The following RFC5 variants were observed in gnomAD, a reference collection of about 807,000 sequenced individuals.
RFC5 encodes the protein A1 36 kDa subunit.
A neutral mutation model predicts 44.3 loss-of-function variants in RFC5; 26 were observed. The observed-to-expected ratio is 0.59, with a 90% CI of 0.43 to 0.81. The LOEUF (loss-of-function observed/expected upper bound fraction) is 0.81. Ranked by LOEUF, RFC5 falls within the 40% of genes least tolerant of loss-of-function variation. The probability of loss-of-function intolerance (pLI) is 0.00; values close to 1 mark genes in which losing one functional copy is unlikely to be tolerated. For missense variants in RFC5, 328 were observed against 418.6 expected (o/e 0.78, Z 1.89); for synonymous variants, 155 against 155.2 (o/e 1.00, Z 0.01).
the RFC5 span, among the ~76,000 whole-genome samples, chr12:118,039,948 G>T: frequency 6.6e-6 from 1 of 151,944 alleles, no homozygotes; most frequent in Non-Finnish European, 1.5e-5. Flanking sequence ...GTTTCACCAT[G>T]TTGGCTAGGC....
At chr12:118,038,754 C>T in the RFC5 span, among the ~76,000 whole-genome samples, 1 of 152,116 alleles carries the variant, frequency 6.6e-6, no homozygotes, top group African/African-American at 2.4e-5. Flanking sequence ...GATCTCAGCT[C>T]ACTGCAACCT....
chr12:118,036,299 C>A (rs200118115), downstream of RFC5: 34 of 1,593,822 alleles, frequency 2.1e-5, no homozygotes, highest in Non-Finnish European at 2.7e-5. Context: ...CCTCATCAGT[C>A]CCCCCACAAA....
In RFC5 at chr12:118,025,806, G is replaced by A. The variant is rs2030893769; in HGVS notation, c.641G>A (p.Arg214His). Residue 214 changes from arginine to histidine, a missense_variant, in exon 7 of 11, where the codon CGT (arginine) becomes CAT (histidine). By Grantham distance (29) the Arg-to-His change is conservative. Coordinates refer to ENST00000454402, the MANE Select transcript of RFC5 (RefSeq NM_007370.7). The stretch of plus-strand genomic sequence containing the variant: ...GTCACTCTTTCCAGTGGAGACATGC[G>A]TAGGGCTCTGAACATTTTGCAGGTA... ...ALVTLSSGDM[R>H]RALNILQSTN... 2 of 1,594,490 alleles carry A rather than the reference G, an allele frequency of 1.3e-6. No individual in the cohort carries two copies. Among genetic ancestry groups the A allele is most frequent in the Non-Finnish European group, 8.6e-7 (1 of 1,164,436 alleles).
At chr12:118,028,146 ATCAGACCCT>A in intron 9 of RFC5, 116 bp downstream of exon 9, 1 of 706,730 alleles carries the variant, frequency 1.4e-6, no homozygotes, top group Non-Finnish European at 2.5e-6. Flanking sequence ...TGAATTGTAA[ATCAGACCCT>A]TCTTGTTAGC....
At chr12:118,020,762 T>G in intron 3 of RFC5, 144 bp from the exon 4 acceptor site, 3 of 524,752 alleles carry the variant, frequency 5.7e-6, no homozygotes, top group Non-Finnish European at 1.0e-5. Context: ...ACTGATTTTT[T>G]ATTTTATGAT....
rs2030558530 is a variant in RFC5 at position 118,022,292 on chromosome 12, C to A, written c.354C>A (p.Gly118=). 2 of 1,613,400 alleles carry A rather than the reference C, an allele frequency of 1.2e-6. No homozygotes were observed. The highest frequency in any genetic ancestry group is 8.5e-7 in the Non-Finnish European group (1 of 1,179,390). ...GCACCATTTGTTTTTCTAGGAAAGG[C>A]TTTAAGCTAGTGATCTTGGATGAAG... ...FASTRTIFKK[G]FKLVILDEAD... is the part of the protein sequence containing the mutation. The change falls in exon 5 of 11, where the codon GGC becomes GGA. Residue 118 remains glycine, a synonymous_variant. Transcript: ENST00000454402.
Position 118,016,741 on chromosome 12 carries a change from C to T in RFC5, c.-87C>T. On this transcript the variant is annotated 5_prime_UTR_variant, in exon 1 of 11. Transcript: ENST00000454402. The stretch of plus-strand genomic sequence containing the variant: ...GCGCGCGAACTGTAAGTGCCAGGGT[C>T]TCAGGGTCAGGTCGCGGCTGGTCAC... 1 of 1,122,968 alleles carries T rather than the reference C, an allele frequency of 8.9e-7. No homozygotes were observed. The highest frequency in any genetic ancestry group is 1.3e-6 in the Non-Finnish European group (1 of 758,186). 69.6% of individuals were successfully genotyped at this position (1,122,968 alleles called of 1,614,324 possible).
intron 7 of RFC5, 30 bp from the exon 8 acceptor site, chr12:118,026,859 G>C (rs890019848): frequency 2.5e-6 from 4 of 1,602,926 alleles, no homozygotes; most frequent in Non-Finnish European, 3.4e-6. Flanking sequence ...CAGCCACTGT[G>C]ATCTCCCCTT....
At chr12:118,024,205 G>T (rs2030766673) in intron 5 of RFC5, among the ~76,000 whole-genome samples, 1 of 151,990 alleles carries the variant, frequency 6.6e-6, no homozygotes, top group South Asian at 2.1e-4. Flanking sequence ...GCCGGGCGTG[G>T]TGGCACGTGT....
chr12:118,017,255 T>G (rs781178293), intron 1 of RFC5, among the ~76,000 whole-genome samples: 1 of 152,196 alleles, frequency 6.6e-6, no homozygotes, highest in Non-Finnish European at 1.5e-5. Context: ...ATGCGACTAT[T>G]GGTCACATTT....
intron 8 of RFC5, 105 bp downstream of exon 8, chr12:118,027,123 A>G (rs1389677864): frequency 8.4e-7 from 1 of 1,185,714 alleles, no homozygotes; most frequent in African/African-American, 1.5e-5. Flanking sequence ...GACTGGCTGC[A>G]GGCGACTCTG....
At chr12:118,034,429 T>C (rs531693197), downstream of RFC5, 50 of 1,567,154 alleles carry the variant, frequency 3.2e-5, 1 homozygote, top group Middle Eastern at 2.7e-3. Flanking sequence ...TGAATACTCA[T>C]GTTTCTGTTT....
At chr12:118,036,188 C>CGA, downstream of RFC5, 1 of 943,574 alleles carries the variant, frequency 1.1e-6, no homozygotes, top group Non-Finnish European at 1.6e-6. Context: ...GGTGACAGAG[C>CGA]GAGACTCCGT....
intron 7 of RFC5, among the ~76,000 whole-genome samples, chr12:118,026,208 T>A (rs914471531): frequency 3.9e-5 from 6 of 152,106 alleles, no homozygotes; most frequent in African/African-American, 1.2e-4. Flanking sequence ...AGCAAAGGCA[T>A]GATCAATCTG....
chr12:118,030,119 C>T (rs1292964945), intron 10 of RFC5, among the ~76,000 whole-genome samples: 2 of 152,126 alleles, frequency 1.3e-5, no homozygotes, highest in South Asian at 4.2e-4. Context: ...ATTTGGGAGG[C>T]CTGCTTTGCT....
intron 1 of RFC5, chr12:118,018,200 G>T: frequency 1.9e-6 from 1 of 536,612 alleles, no homozygotes; most frequent in Middle Eastern, 4.9e-4. Context: ...GGACAGAAGA[G>T]ATTTTACCTA....
At chr12:118,029,712 CTG>C (rs2031188150) in intron 9 of RFC5, 57 bp from the exon 10 acceptor site, 3 of 1,122,170 alleles carry the variant, frequency 2.7e-6, no homozygotes, top group African/African-American at 1.5e-5. Context: ...CATTTGTCCT[CTG>C]TGGGTTTTTT....
chr12:118,026,270 T>C (rs2030932946), intron 7 of RFC5, among the ~76,000 whole-genome samples: 1 of 152,164 alleles, frequency 6.6e-6, no homozygotes, highest in South Asian at 2.1e-4. Context: ...ACCTGCAGGA[T>C]TCCCCCTCCT....
chr12:118,029,466 A>G (rs2031174280), intron 9 of RFC5, among the ~76,000 whole-genome samples: 1 of 152,226 alleles, frequency 6.6e-6, no homozygotes, highest in Admixed American at 6.5e-5. Context: ...GTGGGAACTC[A>G]GCATTCAAGT....
Sources: gnomAD v4.1 joint callset for allele counts (sites outside exome capture counted in the v4.1 genomes callset) on GRCh38, gnomAD v4.1.1 for gene constraint, MANE v1.5 for transcripts, NCBI Gene and HGNC (gene_info 2026-07-23, HGNC 2026-07-21) for gene names.